Variants in MEP1B observed in about 807,000 individuals in gnomAD.
MEP1B encodes the protein N-benzoyl-L-tyrosyl-P-amino-benzoic acid hydrolase subunit beta.
MEP1B carries 80 observed loss-of-function variants against 84.6 expected under a neutral mutation model. The observed-to-expected ratio is 0.95, with a 90% confidence interval of 0.79 to 1.14. The LOEUF (loss-of-function observed/expected upper bound fraction) is 1.14. MEP1B is among the 50% of genes most tolerant of loss of function. The pLI, the probability that MEP1B is intolerant of heterozygous loss-of-function variation, is 0.00. For synonymous variants in MEP1B, 273 were observed against 288.1 expected, an observed-to-expected ratio of 0.95 and a Z score of 0.53; for missense variants, 766 against 855.1, an observed-to-expected ratio of 0.90 and a Z score of 1.30.
At position 32,196,742 on chromosome 18, in the gene MEP1B, G is replaced by A; in HGVS notation, c.250+1257G>A. 1.6e-6 allele frequency: 1 copy of A among 639,358 alleles called. No individual in the cohort carries two copies. Among genetic ancestry groups the A allele is most frequent in the Non-Finnish European group, 2.9e-6 (1 of 350,818 alleles). The allele number at this position is 639,358 out of a possible 1,614,324, so 39.6% of individuals were successfully genotyped here. The stretch of plus-strand genomic sequence containing the variant: ...CCAGGGACAGCTGCCTGCTGGTGAA[G>A]CAGTGCAGGGCCAGGTGCATGTTTT... On this transcript the variant is annotated intron_variant, in intron 5 of 14. Transcript: ENST00000269202. The surrounding 1 kb of genome is among the most constrained non-coding windows in gnomAD (Gnocchi z 4.4).
rs1487836432 is a variant in MEP1B, at chr18:32,208,001, C to A, written c.767-118C>A. 8.3e-6 allele frequency: 8 copies of A among 961,346 alleles called. No individual in the cohort carries two copies. The East Asian group carries it at 1.7e-4, about 20-fold the overall frequency. The allele number at this position is 961,346 out of a possible 1,614,324, so 59.6% of individuals were successfully genotyped here. On this transcript the variant is annotated intron_variant, in intron 8 of 14. Coordinates refer to ENST00000269202, the MANE Select transcript of MEP1B (RefSeq NM_005925.3). Reference sequence around the variant, plus strand: ...TCTTTAAGCCACCATCATCCAGAATCAGCTAGGTGTTCCCTGTAATACCAA... The same window carrying A: ...TCTTTAAGCCACCATCATCCAGAATAAGCTAGGTGTTCCCTGTAATACCAA...
rs1030981825 is a variant in MEP1B at position 32,196,227 on chromosome 18, G to C, written c.250+742G>C. On this transcript the variant is annotated intron_variant, in intron 5 of 14. Transcript: ENST00000269202. This position sits in a 1 kb window ranked among gnomAD's most constrained non-coding sequence, Gnocchi z 4.4. ...CTTTTTGGCTGAGAGGAATGAAGAG[G>C]ATGCCATTGATGCCTTTGAACTGCT... 3.9e-5 allele frequency: 27 copies of C among 694,298 alleles called. No homozygotes were observed. The highest frequency in any genetic ancestry group is 6.8e-5 in the Non-Finnish European group (25 of 369,216). The allele number at this position is 694,298 out of a possible 1,614,324, so 43.0% of individuals were successfully genotyped here.
At chr18:32,217,266 T>C (rs2041100580) in intron 13 of MEP1B, 149 bp downstream of exon 13, 1 of 844,808 alleles carries the variant, frequency 1.2e-6, no homozygotes, top group Non-Finnish European at 1.7e-6. Context: ...TATTCTCCTT[T>C]TGGGGCTTTG....
chr18:32,209,143 A>G (rs917638094), intron 9 of MEP1B, among the ~76,000 whole-genome samples: 57 of 152,346 alleles, frequency 3.7e-4, no homozygotes, highest in African/African-American at 1.3e-3. Flanking sequence ...TTAAATGCCC[A>G]ACACAATTCC....
intron 7 of MEP1B, among the ~76,000 whole-genome samples, chr18:32,206,556 A>G (rs927303019): frequency 2.6e-5 from 4 of 151,688 alleles, no homozygotes; most frequent in African/African-American, 9.7e-5. Context: ...CAGCCTCCGG[A>G]GTAGCTGGGA....
At chr18:32,213,653 T>C (rs747685634) in intron 11 of MEP1B, 94 bp downstream of exon 11, 1 of 941,786 alleles carries the variant, frequency 1.1e-6, no homozygotes, top group Non-Finnish European at 1.6e-6. Context: ...GTTAGTTACC[T>C]AGGGAATTTT....
In MEP1B at chr18:32,213,577, T is replaced by C. The variant is rs1296910569; in HGVS notation, c.1579+18T>C. On this transcript the variant is annotated intron_variant, in intron 11 of 14. Coordinates refer to ENST00000269202, the MANE Select transcript of MEP1B (RefSeq NM_005925.3). ...GACCACCGGTTCGTAACTCATTTTC[T>C]TTATTGCTAATAAACAATCATTGCT... The C allele has an allele frequency of 6.4e-7, 1 of 1,562,000 alleles. No individual in the cohort carries two copies. Among genetic ancestry groups the C allele is most frequent in the African/African-American group, 1.4e-5 (1 of 73,978 alleles).
chr18:32,202,408 C>T (rs1244542840), intron 5 of MEP1B, among the ~76,000 whole-genome samples: 1 of 152,194 alleles, frequency 6.6e-6, no homozygotes, highest in Non-Finnish European at 1.5e-5. Context: ...AAAGCTCTCT[C>T]TAGAAAATGC....
intron 14 of MEP1B, among the ~76,000 whole-genome samples, chr18:32,219,194 G>A (rs930781231): frequency 2.0e-5 from 3 of 152,142 alleles, no homozygotes; most frequent in Non-Finnish European, 2.9e-5. Flanking sequence ...TTAAAGCTAC[G>A]AGTTTTTAAA....
chr18:32,193,460 A>G (rs1459176640), intron 4 of MEP1B, among the ~76,000 whole-genome samples: 1 of 152,178 alleles, frequency 6.6e-6, no homozygotes, highest in East Asian at 1.9e-4. Flanking sequence ...TTTATTGCCC[A>G]CTAGATTGAA....
intron 9 of MEP1B, 93 bp from the exon 10 acceptor site, chr18:32,210,408 T>G: frequency 9.6e-7 from 1 of 1,036,828 alleles, no homozygotes; most frequent in Non-Finnish European, 1.4e-6. Flanking sequence ...ATGTTACTTA[T>G]GCCTCGCGTA....
intron 12 of MEP1B, 81 bp from the exon 13 acceptor site, chr18:32,216,910 T>A: frequency 5.5e-6 from 8 of 1,451,652 alleles, no homozygotes; most frequent in East Asian, 2.3e-5. Context: ...AAAAGAAACA[T>A]TAAAAGAAAA....
intron 14 of MEP1B, 70 bp from the exon 15 acceptor site, chr18:32,220,161 A>G: frequency 1.4e-6 from 2 of 1,409,426 alleles, no homozygotes; most frequent in Non-Finnish European, 2.0e-6. Flanking sequence ...AGATCATTTT[A>G]TTATGATTCA....
At chr18:32,199,674 T>TCCTTCCTTCCTC (rs2040891471) in intron 5 of MEP1B, among the ~76,000 whole-genome samples, 1 of 141,184 alleles carries the variant, frequency 7.1e-6, no homozygotes, top group Non-Finnish European at 1.5e-5. Context: ...GTTCGTTCCT[T>TCCTTCCTTCCTC]CCTTCCTTCC....
At chr18:32,217,714 G>T in intron 13 of MEP1B, 47 bp from the exon 14 acceptor site, 1 of 1,455,214 alleles carries the variant, frequency 6.9e-7, no homozygotes. Flanking sequence ...AAGATTTCTG[G>T]AGTTAGATAT....
At chr18:32,208,309 T>C in intron 9 of MEP1B, 38 bp downstream of exon 9, 3 of 1,538,302 alleles carry the variant, frequency 2.0e-6, no homozygotes, top group Non-Finnish European at 2.6e-6. Context: ...GTATACTCAG[T>C]GGCTACAGCC....
intron 10 of MEP1B, among the ~76,000 whole-genome samples, chr18:32,211,626 A>G (rs191927450): frequency 8.7e-4 from 133 of 152,316 alleles, no homozygotes; most frequent in African/African-American, 3.2e-3. Flanking sequence ...CTTAAGTTAA[A>G]CACAGCTTCT....
chr18:32,204,048 C>T (rs2040938869), intron 6 of MEP1B, 134 bp from the exon 7 acceptor site: 9 of 699,662 alleles, frequency 1.3e-5, no homozygotes, highest in South Asian at 3.6e-5. Context: ...ATGAGAGAAA[C>T]GCACAGTGTT....
chr18:32,216,325 A>T (rs1342733892), intron 12 of MEP1B, among the ~76,000 whole-genome samples: 1 of 152,222 alleles, frequency 6.6e-6, no homozygotes, highest in Non-Finnish European at 1.5e-5. Flanking sequence ...TTTATGTAGC[A>T]GAGAACAAAA....
Sources: allele counts gnomAD v4.1 joint callset (sites outside exome capture counted in the v4.1 genomes callset), GRCh38; gene constraint gnomAD v4.1.1; non-coding constraint Gnocchi (gnomAD v3.1); transcripts MANE v1.5; gene names NCBI Gene and HGNC (gene_info 2026-07-23, HGNC 2026-07-21).